Variants in TCERG1L observed in about 807,000 individuals in gnomAD.
TCERG1L encodes the protein transcription elongation regulator 1 like, also known as transcription elongation regulator 1-like protein.
In TCERG1L, 37 loss-of-function variants were observed where a neutral mutation model predicts 56.3. The observed-to-expected ratio is 0.66, with a 90% CI of 0.51 to 0.87. The LOEUF is 0.87. TCERG1L is among the 40% of genes least tolerant of loss of function. TCERG1L has a pLI of 0.00. For synonymous variants in TCERG1L, 324 were observed against 326.3 expected, an observed-to-expected ratio of 0.99 and a Z score of 0.08; for missense variants, 799 against 774.2, an observed-to-expected ratio of 1.03 and a Z score of -0.38.
chr10:131,094,333 G>A (rs1219074861), intron 11 of TCERG1L, among the ~76,000 whole-genome samples: 1 of 152,180 alleles, frequency 6.6e-6, no homozygotes, highest in Non-Finnish European at 1.5e-5. Context: ...TTGTCCGGGG[G>A]ATTCTTCTTA....
intron 9 of TCERG1L, among the ~76,000 whole-genome samples, chr10:131,110,231 C>G (rs544481042): frequency 6.6e-6 from 1 of 152,210 alleles, no homozygotes; most frequent in Non-Finnish European, 1.5e-5. Flanking sequence ...ATGCAGACCA[C>G]GCGGGCAAAG....
At chr10:131,225,629 G>A (rs1456637851) in intron 4 of TCERG1L, among the ~76,000 whole-genome samples, 26 of 152,018 alleles carry the variant, frequency 1.7e-4, no homozygotes. Context: ...ATCTCACAAC[G>A]GCTCCAGAAT....
At chr10:131,213,578 C>T (rs868289901) in intron 4 of TCERG1L, among the ~76,000 whole-genome samples, 1 of 152,214 alleles carries the variant, frequency 6.6e-6, no homozygotes. Flanking sequence ...TCAGTGTCCC[C>T]GTCTATGGAA....
chr10:131,224,455 C>T (rs1284416872), intron 4 of TCERG1L, among the ~76,000 whole-genome samples: 1 of 152,202 alleles, frequency 6.6e-6, no homozygotes, highest in Non-Finnish European at 1.5e-5. Flanking sequence ...GCTTCCCTTC[C>T]CCTAGGCTCT....
chr10:131,216,571 A>T (rs1158172290), intron 4 of TCERG1L, among the ~76,000 whole-genome samples: 1 of 152,236 alleles, frequency 6.6e-6, no homozygotes, highest in Non-Finnish European at 1.5e-5. Flanking sequence ...GAACAGGACA[A>T]GGACAAACTT....
At chr10:131,160,252 G>A (rs550596327) in intron 6 of TCERG1L, among the ~76,000 whole-genome samples, 3 of 152,148 alleles carry the variant, frequency 2.0e-5, no homozygotes, top group African/African-American at 2.4e-5. Context: ...AGTTAAAGAC[G>A]ACATGGCCAG....
chr10:131,129,624 C>T (rs1845597349), intron 8 of TCERG1L, among the ~76,000 whole-genome samples: 1 of 152,184 alleles, frequency 6.6e-6, no homozygotes, highest in Non-Finnish European at 1.5e-5. Flanking sequence ...GCTAAGCACA[C>T]ACTGGACCAT....
At chr10:131,303,255 C>T (rs1316000366) in intron 3 of TCERG1L, among the ~76,000 whole-genome samples, 8 of 152,024 alleles carry the variant, frequency 5.3e-5, no homozygotes, top group Admixed American at 2.6e-4. Context: ...AGTGTAAAAG[C>T]GTTCCTATTT....
At position 131,311,316 on chromosome 10, in the gene TCERG1L, G is replaced by A. The variant is rs956087973; in HGVS notation, c.320C>T (p.Pro107Leu). ...PDSAAAAAAH[P>L]FPALHGQWLF... is the part of the protein sequence containing the mutation. ...TACCTGCCCGTGGAGCGCGGGGAAGGGGTGCGCGGCGGCGGCGGCGGCGGA... is the reference window on the plus strand; with the variant it reads ...TACCTGCCCGTGGAGCGCGGGGAAGAGGTGCGCGGCGGCGGCGGCGGCGGA... Residue 107 changes from proline to leucine, a missense_variant, in exon 1 of 12, where the codon CCC (proline) becomes CTC (leucine). Pro to Leu is a moderately conservative substitution (Grantham distance 98). Transcript: ENST00000368642. This position sits in a 1 kb window ranked among gnomAD's most constrained non-coding sequence, Gnocchi z 4.0. 24 of 1,207,302 alleles carry A rather than the reference G, an allele frequency of 2.0e-5. No individual in the cohort carries two copies. The highest frequency in any genetic ancestry group is 1.0e-4 in the East Asian group (3 of 29,128). 74.8% of individuals were successfully genotyped at this position (1,207,302 alleles called of 1,614,324 possible). A position where few individuals can be genotyped will look rare whatever the true frequency, so the allele number is the denominator to read the frequency against.
At chr10:131,123,957 G>A (rs1482405634) in intron 8 of TCERG1L, among the ~76,000 whole-genome samples, 1 of 152,208 alleles carries the variant, frequency 6.6e-6, no homozygotes. Context: ...TAGGGCATGA[G>A]TGGGTGGAGG....
At chr10:131,232,082 T>C (rs11598538) in intron 4 of TCERG1L, among the ~76,000 whole-genome samples, 62,822 of 152,204 alleles carry the variant, frequency 0.41, 13,365 homozygotes, top group East Asian at 0.53. Context: ...GCCACCTCCT[T>C]GACTCCAGTC....
At chr10:131,272,675 A>G (rs1846352284) in intron 3 of TCERG1L, among the ~76,000 whole-genome samples, 1 of 152,144 alleles carries the variant, frequency 6.6e-6, no homozygotes, top group Non-Finnish European at 1.5e-5. Context: ...ATCCTCCCAC[A>G]CCACAGCCTG....
At chr10:131,309,958 A>C (rs1846866289) in intron 1 of TCERG1L, among the ~76,000 whole-genome samples, 1 of 152,046 alleles carries the variant, frequency 6.6e-6, no homozygotes, top group Non-Finnish European at 1.5e-5. Flanking sequence ...AATTAAAATA[A>C]CTGAGACCTC....
intron 3 of TCERG1L, among the ~76,000 whole-genome samples, chr10:131,269,433 C>G (rs575867130): frequency 5.3e-5 from 8 of 152,136 alleles, no homozygotes; most frequent in Admixed American, 3.3e-4. Context: ...GTGATCTGCC[C>G]GTCTCAACCT....
chr10:131,173,205 A>G (rs934207118), intron 4 of TCERG1L, among the ~76,000 whole-genome samples: 1 of 152,046 alleles, frequency 6.6e-6, no homozygotes, highest in African/African-American at 2.4e-5. Context: ...TGATATTTTA[A>G]TCTTGCCTAC....
chr10:131,227,119 T>C (rs1845798821), intron 4 of TCERG1L, among the ~76,000 whole-genome samples: 1 of 152,192 alleles, frequency 6.6e-6, no homozygotes, highest in South Asian at 2.1e-4. Context: ...AGAGACTTGT[T>C]CTCCATAATG....
intron 4 of TCERG1L, among the ~76,000 whole-genome samples, chr10:131,244,172 C>T (rs559220246): frequency 4.6e-5 from 7 of 152,214 alleles, no homozygotes; most frequent in East Asian, 3.9e-4. Context: ...AGAGGCTGCC[C>T]GTGGGGTGGA....
rs373180019 is a variant in TCERG1L, at chr10:131,094,266, G to A, written c.1605-948C>T. Among the ~76,000 whole-genome samples, 16 of 152,332 alleles carry A rather than the reference G, an allele frequency of 1.1e-4. No individual in the cohort carries two copies. In the East Asian group the frequency reaches 1.4e-3, roughly 13 times the overall value. On this transcript the variant is annotated intron_variant, in intron 11 of 11. Transcript: ENST00000368642. ...TGCACTCGCTTGTCCAGCGACAGTC[G>A]GGCAGGGCCTGGCCTGGGCAGTGTG...
intron 3 of TCERG1L, among the ~76,000 whole-genome samples, chr10:131,277,872 T>C (rs779101612): frequency 9.9e-5 from 15 of 151,736 alleles, no homozygotes; most frequent in Admixed American, 2.0e-4. Context: ...GGCAGGTGCC[T>C]CCTGAGCCGG....
Sources: allele counts gnomAD v4.1 joint callset (sites outside exome capture counted in the v4.1 genomes callset), GRCh38; gene constraint gnomAD v4.1.1; non-coding constraint Gnocchi (gnomAD v3.1); transcripts MANE v1.5; gene names NCBI Gene and HGNC (gene_info 2026-07-23, HGNC 2026-07-21).